Variants in RYR3 observed in about 807,000 individuals in gnomAD.
RYR3 encodes the protein ryanodine receptor 3.
In RYR3, 207 loss-of-function variants were observed where a neutral mutation model predicts 584.3. The ratio of observed to expected loss-of-function variants is 0.35; its 90% CI spans 0.32 to 0.40. The LOEUF (loss-of-function observed/expected upper bound fraction) is 0.40, where lower values mean the gene tolerates loss of function less well. RYR3 is among the 10% of genes least tolerant of loss of function. RYR3 has a pLI of 1.00. For missense variants in RYR3, 5,616 were observed against 6,089.2 expected, an observed-to-expected ratio of 0.92 and a Z score of 2.59; for synonymous variants, 2,416 against 2,248.5, an observed-to-expected ratio of 1.07 and a Z score of -2.11.
chr15:33,419,052 A>G (rs2044036372), intron 1 of RYR3, among the ~76,000 whole-genome samples: 1 of 152,160 alleles, frequency 6.6e-6, no homozygotes, highest in African/African-American at 2.4e-5. Flanking sequence ...TGTGTTTTAT[A>G]TGTGCTTTAT....
intron 98 of RYR3, 67 bp downstream of exon 98, chr15:33,854,979 A>G: frequency 6.9e-7 from 1 of 1,440,882 alleles, no homozygotes; most frequent in Non-Finnish European, 9.4e-7. Flanking sequence ...AACAGCAGGT[A>G]GTATACAGTA....
intron 3 of RYR3, among the ~76,000 whole-genome samples, chr15:33,505,448 A>G (rs1359734350): frequency 2.0e-5 from 3 of 152,170 alleles, no homozygotes; most frequent in Non-Finnish European, 4.4e-5. Flanking sequence ...CATTGACCTC[A>G]GCATCTTATA....
chr15:33,857,287 C>T (rs141101481), intron 98 of RYR3, among the ~76,000 whole-genome samples: 1,605 of 152,118 alleles, frequency 0.011, 39 homozygotes, highest in African/African-American at 0.036. Context: ...CTCTCTGTGG[C>T]TGTAGACAGC....
At chr15:33,549,865 C>G (rs2056543201) in intron 9 of RYR3, among the ~76,000 whole-genome samples, 1 of 152,148 alleles carries the variant, frequency 6.6e-6, no homozygotes, top group South Asian at 2.1e-4. Context: ...TTATTTGCAT[C>G]AAGAACTTTC....
intron 60 of RYR3, among the ~76,000 whole-genome samples, chr15:33,760,130 A>G (rs2072281009): frequency 6.6e-6 from 1 of 152,234 alleles, no homozygotes. Flanking sequence ...AGAGCTCCTG[A>G]AGGAAGCAGT....
In RYR3 at chr15:33,634,645, C is replaced by G; in HGVS notation, c.3087C>G (p.Thr1029=). 6.2e-7 allele frequency: 1 copy of G among 1,613,804 alleles called. No homozygotes were observed. Among genetic ancestry groups the G allele is most frequent in the Non-Finnish European group, 8.5e-7 (1 of 1,179,786 alleles). Residue 1029 remains threonine, a synonymous_variant, in exon 25 of 104, where the codon ACC becomes ACG. Coordinates refer to ENST00000634891, the MANE Select transcript of RYR3 (RefSeq NM_001036.6). The part of the protein sequence containing the change: ...LVPYALLDER[T]KKSNRDSLRE... Reference sequence around the variant, plus strand: ...CATATGCATTACTGGATGAGCGTACCAAGAAGTCAAACAGGGACAGCCTGC... The same window carrying G: ...CATATGCATTACTGGATGAGCGTACGAAGAAGTCAAACAGGGACAGCCTGC...
At chr15:33,598,869 C>T (rs533491217) in intron 16 of RYR3, among the ~76,000 whole-genome samples, 3 of 152,018 alleles carry the variant, frequency 2.0e-5, no homozygotes, top group Non-Finnish European at 2.9e-5. Context: ...CTGGCTAACA[C>T]GGTGAAACCC....
chr15:33,469,188 AAGCTT>A (rs1198690130), intron 1 of RYR3, among the ~76,000 whole-genome samples: 3 of 152,150 alleles, frequency 2.0e-5, no homozygotes, highest in Non-Finnish European at 4.4e-5. Flanking sequence ...CATTTAAACT[AAGCTT>A]AGAAGAATAG....
At chr15:33,446,940 T>C (rs1439917228) in intron 1 of RYR3, among the ~76,000 whole-genome samples, 1 of 152,188 alleles carries the variant, frequency 6.6e-6, no homozygotes, top group Non-Finnish European at 1.5e-5. Flanking sequence ...CAGAAAACTT[T>C]TTTCCTGCTC....
intron 2 of RYR3, among the ~76,000 whole-genome samples, chr15:33,485,020 T>C (rs2050291389): frequency 6.6e-6 from 1 of 151,938 alleles, no homozygotes. Flanking sequence ...GCCTGGGAAA[T>C]GTCAATAATT....
intron 1 of RYR3, among the ~76,000 whole-genome samples, chr15:33,439,124 T>A (rs1454075892): frequency 2.0e-5 from 3 of 152,228 alleles, no homozygotes; most frequent in Admixed American, 6.5e-5. Context: ...AATTTTGTTT[T>A]ATAATCCTTT....
chr15:33,709,425 A>C (rs1027113137), intron 43 of RYR3, among the ~76,000 whole-genome samples: 1 of 152,242 alleles, frequency 6.6e-6, no homozygotes, highest in African/African-American at 2.4e-5. Flanking sequence ...AGGCTAAAGC[A>C]TGCTGTGCTC....
chr15:33,465,324 A>C (rs1451273882), intron 1 of RYR3, among the ~76,000 whole-genome samples: 1 of 152,190 alleles, frequency 6.6e-6, no homozygotes, highest in Non-Finnish European at 1.5e-5. Context: ...GGATTGCTTC[A>C]TCATATGGCA....
At chr15:33,837,097 AT>A in intron 88 of RYR3, 110 bp downstream of exon 88, 2 of 901,986 alleles carry the variant, frequency 2.2e-6, no homozygotes, top group Non-Finnish European at 3.4e-6. Context: ...GCCATATGAC[AT>A]TGGTCAGAAA....
intron 60 of RYR3, among the ~76,000 whole-genome samples, chr15:33,758,429 C>T (rs970055860): frequency 1.3e-5 from 2 of 152,178 alleles, no homozygotes; most frequent in East Asian, 1.9e-4. Flanking sequence ...GGTCTGAAGT[C>T]GACCTGGGAC....
intron 3 of RYR3, among the ~76,000 whole-genome samples, chr15:33,504,728 T>C (rs1267814639): frequency 6.6e-6 from 1 of 152,188 alleles, no homozygotes; most frequent in Non-Finnish European, 1.5e-5. Context: ...GCCCCATCTC[T>C]CACCACATCC....
At chr15:33,406,879 G>A (rs2043058810) in intron 1 of RYR3, among the ~76,000 whole-genome samples, 1 of 151,182 alleles carries the variant, frequency 6.6e-6, no homozygotes, top group Non-Finnish European at 1.5e-5. Context: ...ATACAAGAAA[G>A]GGGATATCTT....
At position 33,646,334 on chromosome 15, in the gene RYR3, A is replaced by G; in HGVS notation, c.3766-17A>G. 6.3e-7 allele frequency: 1 copy of G among 1,585,192 alleles called. No individual in the cohort carries two copies. Among genetic ancestry groups the G allele is most frequent in the East Asian group, 2.3e-5 (1 of 44,384 alleles). Reference sequence around the variant, plus strand: ...GGCCCTTTGGTATGTCAAGGTAAGGACTCGTCCTGTTTCCAGGTCATGAGG... The same window carrying G: ...GGCCCTTTGGTATGTCAAGGTAAGGGCTCGTCCTGTTTCCAGGTCATGAGG... On this transcript the variant is annotated splice_polypyrimidine_tract_variant and intron_variant, in intron 28 of 103. Coordinates refer to ENST00000634891, the MANE Select transcript of RYR3 (RefSeq NM_001036.6).
At chr15:33,704,891 G>C (rs1228862116) in intron 42 of RYR3, among the ~76,000 whole-genome samples, 1 of 152,150 alleles carries the variant, frequency 6.6e-6, no homozygotes, top group Non-Finnish European at 1.5e-5. Context: ...AGTAGTTGGG[G>C]TGGCTTAGCA....
Sources: allele counts gnomAD v4.1 joint callset (sites outside exome capture counted in the v4.1 genomes callset), GRCh38; gene constraint gnomAD v4.1.1; transcripts MANE v1.5; gene names NCBI Gene and HGNC (gene_info 2026-07-23, HGNC 2026-07-21).